The following RPS6KC1 variants were observed in gnomAD, a reference collection of about 807,000 sequenced individuals.
The protein encoded by RPS6KC1 is inactive ribosomal protein S6 kinase delta-1.
RPS6KC1 carries 54 observed loss-of-function variants against 103.8 expected under a neutral mutation model. The ratio of observed to expected loss-of-function variants is 0.52; its 90% CI spans 0.42 to 0.65. The LOEUF (loss-of-function observed/expected upper bound fraction) is 0.65. RPS6KC1 is among the 30% of genes least tolerant of loss of function. RPS6KC1 has a pLI of 0.00. For synonymous variants in RPS6KC1, 439 were observed against 438.7 expected, an observed-to-expected ratio of 1.00 and a Z score of -0.01; for missense variants, 1,151 against 1,253.8, an observed-to-expected ratio of 0.92 and a Z score of 1.24.
the RPS6KC1 span, among the ~76,000 whole-genome samples, chr1:213,431,797 G>T: frequency 6.6e-6 from 1 of 152,036 alleles, no homozygotes; most frequent in Non-Finnish European, 1.5e-5. Flanking sequence ...AATACACATT[G>T]TGTGTATTAT....
chr1:213,167,439 A>ACACAC (rs2091061543), intron 6 of RPS6KC1, among the ~76,000 whole-genome samples: 1 of 75,946 alleles, frequency 1.3e-5, no homozygotes, highest in Non-Finnish European at 2.4e-5. Flanking sequence ...CAAGGTTGAA[A>ACACAC]ACACACACAC....
chr1:213,691,496 A>C, the RPS6KC1 span, among the ~76,000 whole-genome samples: 3 of 152,134 alleles, frequency 2.0e-5, no homozygotes, highest in Non-Finnish European at 2.9e-5. Flanking sequence ...ATTTTCTATT[A>C]GATTCCATAT....
At position 213,152,383 on chromosome 1, in the gene RPS6KC1, C is replaced by A. The variant is rs531505113; in HGVS notation, c.836-15475C>A. ...GCGGCTGATGGGGCGGGGGGCTGAC[C>A]CCCCCACCTCCCTCCCGGACGGGGT... On this transcript the variant is annotated intron_variant, in intron 6 of 14. Coordinates refer to ENST00000366960, the MANE Select transcript of RPS6KC1 (RefSeq NM_012424.6). Among the ~76,000 whole-genome samples, 734 of 150,238 alleles carry A rather than the reference C, an allele frequency of 4.9e-3. 5 individuals are homozygous for A. The highest frequency in any genetic ancestry group is 0.017 in the African/African-American group (691 of 41,060).
the RPS6KC1 span, among the ~76,000 whole-genome samples, chr1:213,641,101 T>C: frequency 7.9e-5 from 9 of 113,412 alleles, no homozygotes; most frequent in Non-Finnish European, 1.2e-4. Context: ...ACTTTTCAGA[T>C]TTTTTTTTAA....
the RPS6KC1 span, among the ~76,000 whole-genome samples, chr1:213,584,631 A>G: frequency 6.6e-6 from 1 of 152,250 alleles, no homozygotes; most frequent in African/African-American, 2.4e-5. Context: ...CTAGGAATTT[A>G]TGTTAGGAAA....
the RPS6KC1 span, among the ~76,000 whole-genome samples, chr1:213,541,618 C>T: frequency 5.3e-5 from 8 of 152,096 alleles, no homozygotes; most frequent in East Asian, 1.9e-4. Flanking sequence ...AGGAAGCTTA[C>T]GTTTAATAAC....
chr1:213,451,516 C>T, the RPS6KC1 span, among the ~76,000 whole-genome samples: 1 of 152,206 alleles, frequency 6.6e-6, no homozygotes, highest in African/African-American at 2.4e-5. Context: ...CAGCTGACTT[C>T]AGCTGCCTTG....
At chr1:213,337,484 C>G in the RPS6KC1 span, among the ~76,000 whole-genome samples, 1 of 152,166 alleles carries the variant, frequency 6.6e-6, no homozygotes, top group Non-Finnish European at 1.5e-5. Context: ...ATTATATGCT[C>G]TATGAACTCC....
the RPS6KC1 span, among the ~76,000 whole-genome samples, chr1:213,779,798 A>C: frequency 6.6e-6 from 1 of 152,186 alleles, no homozygotes; most frequent in Non-Finnish European, 1.5e-5. Flanking sequence ...TGCGCAGAAA[A>C]GTTCTGCTTC....
the RPS6KC1 span, among the ~76,000 whole-genome samples, chr1:213,622,235 C>CTT: frequency 0.76 from 110,253 of 144,900 alleles, 43,071 homozygotes; most frequent in Non-Finnish European, 0.87. Context: ...CAAGTAATGT[C>CTT]TTTTTTTTTT....
the RPS6KC1 span, among the ~76,000 whole-genome samples, chr1:213,829,707 AG>A: frequency 6.6e-6 from 1 of 152,208 alleles, no homozygotes; most frequent in African/African-American, 2.4e-5. Flanking sequence ...AACAAAGGGA[AG>A]CAAGCTTTCC....
At chr1:213,799,847 T>C in the RPS6KC1 span, among the ~76,000 whole-genome samples, 1 of 152,222 alleles carries the variant, frequency 6.6e-6, no homozygotes, top group African/African-American at 2.4e-5. Flanking sequence ...CAGGCTACCA[T>C]AACAAAATAC....
chr1:213,683,040 A>G, the RPS6KC1 span, among the ~76,000 whole-genome samples: 70 of 152,324 alleles, frequency 4.6e-4, 1 homozygote, highest in Admixed American at 3.4e-3. Context: ...TTATTTAACC[A>G]TTATTGAACA....
At chr1:213,603,537 T>C in the RPS6KC1 span, among the ~76,000 whole-genome samples, 1 of 152,086 alleles carries the variant, frequency 6.6e-6, no homozygotes, top group Non-Finnish European at 1.5e-5. Flanking sequence ...TCATCTCCTA[T>C]CTTCGAATGA....
At chr1:213,134,972 T>C (rs777469664) in intron 6 of RPS6KC1, among the ~76,000 whole-genome samples, 3 of 152,136 alleles carry the variant, frequency 2.0e-5, no homozygotes, top group African/African-American at 4.8e-5. Flanking sequence ...TACAAGAACA[T>C]TGGGAAAGCA....
the RPS6KC1 span, among the ~76,000 whole-genome samples, chr1:213,708,524 T>C: frequency 1.4e-4 from 22 of 152,354 alleles, no homozygotes; most frequent in African/African-American, 5.3e-4. Context: ...CCTCTCTTTC[T>C]ATTTGAATAT....
the RPS6KC1 span, among the ~76,000 whole-genome samples, chr1:213,530,974 C>A: frequency 4.6e-5 from 7 of 152,200 alleles, no homozygotes; most frequent in African/African-American, 7.2e-5. Context: ...ACACTTAGAT[C>A]ATGAGAATTC....
the RPS6KC1 span, among the ~76,000 whole-genome samples, chr1:213,591,797 A>G: frequency 2.0e-5 from 3 of 152,204 alleles, no homozygotes; most frequent in African/African-American, 7.2e-5. Context: ...TAGAATTACA[A>G]CTGAGGCTTC....
At chr1:213,811,616 T>C in the RPS6KC1 span, among the ~76,000 whole-genome samples, 1 of 152,210 alleles carries the variant, frequency 6.6e-6, no homozygotes, top group Admixed American at 6.5e-5. Context: ...AGGAGTTGGC[T>C]TCTGACCTTA....
Sources: gnomAD v4.1 joint callset for allele counts (sites outside exome capture counted in the v4.1 genomes callset) on GRCh38, gnomAD v4.1.1 for gene constraint, MANE v1.5 for transcripts, NCBI Gene and HGNC (gene_info 2026-07-23, HGNC 2026-07-21) for gene names.